OR1L8: variants seen among roughly 807,000 people sequenced by gnomAD.
The protein encoded by OR1L8 is olfactory receptor 1L8.
For missense variants in OR1L8, 330 were observed against 377.4 expected (o/e 0.87, Z 1.04); for synonymous variants, 148 against 147.0 (o/e 1.01, Z -0.05).
At chr9:122,552,915 C>T in the OR1L8 span, among the ~76,000 whole-genome samples, 1 of 151,954 alleles carries the variant, frequency 6.6e-6, no homozygotes, top group South Asian at 2.1e-4. Flanking sequence ...TCTAAATAGC[C>T]CATGCCAATT....
the OR1L8 span, among the ~76,000 whole-genome samples, chr9:122,552,086 C>CAG: frequency 1.3e-3 from 199 of 150,616 alleles, 2 homozygotes; most frequent in South Asian, 5.7e-3. Context: ...CTCTCACACA[C>CAG]ACACACATAT....
the OR1L8 span, among the ~76,000 whole-genome samples, chr9:122,555,583 T>A: frequency 6.6e-5 from 10 of 152,134 alleles, no homozygotes; most frequent in Admixed American, 6.5e-4. Flanking sequence ...AGCTACACCA[T>A]GCCATTTACA....
At chr9:122,574,381 G>T (rs1043738189) in intron 3 of OR1L8, among the ~76,000 whole-genome samples, 2 of 152,042 alleles carry the variant, frequency 1.3e-5, no homozygotes, top group African/African-American at 4.8e-5. Flanking sequence ...TCATGGTTTT[G>T]TGGTAACCCT....
At chr9:122,554,054 T>G in the OR1L8 span, 6 of 1,613,648 alleles carry the variant, frequency 3.7e-6, no homozygotes, top group Non-Finnish European at 4.2e-6. Flanking sequence ...CTGTTCTCTA[T>G]ATGGTGATTA....
intron 4 of OR1L8, among the ~76,000 whole-genome samples, chr9:122,572,034 G>A (rs578225616): frequency 6.6e-6 from 1 of 152,192 alleles, no homozygotes; most frequent in Admixed American, 6.5e-5. Context: ...CATGGTGGAA[G>A]GCAAAGCCGG....
chr9:122,553,264 T>G, the OR1L8 span: 1 of 1,613,882 alleles, frequency 6.2e-7, no homozygotes, highest in South Asian at 1.1e-5. Flanking sequence ...TTCCTCCTTC[T>G]AGGACTCTCT....
the OR1L8 span, among the ~76,000 whole-genome samples, chr9:122,546,843 T>C: frequency 6.6e-6 from 1 of 152,192 alleles, no homozygotes; most frequent in African/African-American, 2.4e-5. Context: ...CAAATAATAA[T>C]TGTATGTATT....
intron 4 of OR1L8, among the ~76,000 whole-genome samples, chr9:122,569,785 C>A (rs112158286): frequency 0.026 from 3,986 of 152,136 alleles, 166 homozygotes; most frequent in African/African-American, 0.091. Context: ...CCCATTAACT[C>A]GTCATTTAGC....
chr9:122,548,601 A>T, the OR1L8 span, among the ~76,000 whole-genome samples: 10 of 151,654 alleles, frequency 6.6e-5, no homozygotes, highest in South Asian at 2.1e-4. Context: ...ATATATATAT[A>T]TTTTTATTAT....
chr9:122,563,394 A>G (rs1472226231), downstream of OR1L8, among the ~76,000 whole-genome samples: 1 of 152,204 alleles, frequency 6.6e-6, no homozygotes, highest in Non-Finnish European at 1.5e-5. Context: ...CTTGTTGACC[A>G]TATAGATGTC....
chr9:122,582,603 C>T (rs557194203), intron 1 of OR1L8, among the ~76,000 whole-genome samples: 65 of 152,040 alleles, frequency 4.3e-4, no homozygotes, highest in African/African-American at 1.3e-3. Flanking sequence ...ACCTGTAGTC[C>T]CAGCTATGCA....
chr9:122,567,635 C>T lies in OR1L8; in HGVS notation c.843G>A (p.Leu281=). 1 of 1,613,970 alleles carries T rather than the reference C, an allele frequency of 6.2e-7. No homozygotes were observed. Among genetic ancestry groups the T allele is most frequent in the Non-Finnish European group, 8.5e-7 (1 of 1,179,944 alleles). ...DHVATIVYTV[L]SSMLNPFIYS... Reference sequence around the variant, plus strand: ...AGATAAAAGGATTGAGCATGGATGACAAAACTGTGTAAACAATTGTTGCCA... The same window carrying T: ...AGATAAAAGGATTGAGCATGGATGATAAAACTGTGTAAACAATTGTTGCCA... Residue 281 remains leucine, a synonymous_variant, in exon 5 of 5, where the codon TTG becomes TTA. Transcript: ENST00000641027.
intron 3 of OR1L8, among the ~76,000 whole-genome samples, 184 bp downstream of exon 3, chr9:122,576,582 A>G (rs1472741191): frequency 6.6e-6 from 1 of 151,982 alleles, no homozygotes; most frequent in East Asian, 1.9e-4. Context: ...GGTTGTTTCC[A>G]TATCTTGGCT....
chr9:122,566,922 A>G (rs1227093272), downstream of OR1L8, among the ~76,000 whole-genome samples: 1 of 152,148 alleles, frequency 6.6e-6, no homozygotes, highest in African/African-American at 2.4e-5. Flanking sequence ...CTTTCTGACC[A>G]TTAGCATTTT....
In OR1L8 at chr9:122,567,912, G is replaced by A; in HGVS notation, c.566C>T (p.Ser189Phe). 6.2e-7 allele frequency: 1 copy of A among 1,614,006 alleles called. No homozygotes were observed. The highest frequency in any genetic ancestry group is 8.5e-7 in the Non-Finnish European group (1 of 1,179,930). The change falls in exon 5 of 5, where the codon TCC becomes TTC. Residue 189 changes from serine to phenylalanine, a missense_variant. Ser to Phe is a radical substitution (Grantham distance 155). Transcript: ENST00000641027. Reference sequence around the variant, plus strand: ...TTCATTGACAAATATGGAAGAGCAGGACAATTTCAGCACAGGGCTGAGGTC... The same window carrying A: ...TTCATTGACAAATATGGAAGAGCAGAACAATTTCAGCACAGGGCTGAGGTC... The part of the protein sequence containing the change: ...LCDLSPVLKL[S>F]CSSIFVNEIV...
chr9:122,550,563 T>G, the OR1L8 span, among the ~76,000 whole-genome samples: 17 of 74,674 alleles, frequency 2.3e-4, no homozygotes, highest in African/African-American at 9.0e-4. Flanking sequence ...TCAAGTGGGT[T>G]TTTTTTTTGA....
chr9:122,572,659 C>T (rs1829574537), intron 4 of OR1L8, 121 bp downstream of exon 4: 1 of 151,408 alleles, frequency 6.6e-6, no homozygotes, highest in South Asian at 2.1e-4. Context: ...CTCAATGAGT[C>T]TAAATGAGTC....
chr9:122,575,369 A>G (rs1322877771), intron 3 of OR1L8, among the ~76,000 whole-genome samples: 1 of 152,128 alleles, frequency 6.6e-6, no homozygotes, highest in Non-Finnish European at 1.5e-5. Context: ...TTTCTTTTAT[A>G]GATACAGTTC....
chr9:122,561,827 G>A, the OR1L8 span, among the ~76,000 whole-genome samples: 17 of 152,210 alleles, frequency 1.1e-4, no homozygotes, highest in African/African-American at 4.1e-4. Flanking sequence ...GGCACTGGGA[G>A]CAGGACCCAT....
Sources: allele counts gnomAD v4.1 joint callset (sites outside exome capture counted in the v4.1 genomes callset), GRCh38; gene constraint gnomAD v4.1.1; transcripts MANE v1.5; gene names NCBI Gene and HGNC (gene_info 2026-07-23, HGNC 2026-07-21).